TESK2: variants seen among roughly 807,000 people sequenced by gnomAD.
The protein encoded by TESK2 is testis associated actin remodelling kinase 2, also known as dual specificity testis-specific protein kinase 2.
TESK2 carries 39 observed loss-of-function variants against 57.1 expected under a neutral mutation model. The observed-to-expected ratio is 0.68, with a 90% CI of 0.53 to 0.89. The LOEUF (loss-of-function observed/expected upper bound fraction) is 0.89. Ranked by LOEUF, TESK2 falls within the 40% of genes least tolerant of loss-of-function variation. TESK2 has a pLI of 0.00. For missense variants in TESK2, 646 were observed against 732.1 expected (o/e 0.88, Z 1.36); for synonymous variants, 249 against 267.9 (o/e 0.93, Z 0.69).
chr1:45,446,463 C>G (rs1651652247), intron 2 of TESK2, among the ~76,000 whole-genome samples: 1 of 150,950 alleles, frequency 6.6e-6, no homozygotes, highest in South Asian at 2.1e-4. Context: ...CCTGTCGTCT[C>G]TAAAAAAATT....
intron 2 of TESK2, among the ~76,000 whole-genome samples, chr1:45,438,110 C>T (rs1363359986): frequency 6.6e-6 from 1 of 152,212 alleles, no homozygotes; most frequent in African/African-American, 2.4e-5. Flanking sequence ...ATCATCCTTA[C>T]TGCCCAGTTC....
intron 4 of TESK2, among the ~76,000 whole-genome samples, chr1:45,384,647 T>A (rs12739418): frequency 7.2e-6 from 1 of 139,480 alleles, no homozygotes; most frequent in Non-Finnish European, 1.5e-5. Context: ...AGCCTTGCTA[T>A]GTTGCCCAGG....
At chr1:45,371,232 G>C (rs1292706596) in intron 4 of TESK2, among the ~76,000 whole-genome samples, 1 of 152,124 alleles carries the variant, frequency 6.6e-6, no homozygotes, top group Non-Finnish European at 1.5e-5. Context: ...CTACTATATG[G>C]TCCAGCAATC....
Position 45,487,408 on chromosome 1 carries a change from A to G in TESK2, c.-87+3444T>C, listed in dbSNP as rs374641727. On this transcript the variant is annotated intron_variant, in intron 1 of 10. Transcript: ENST00000372086. ...TAGGACTTACTATCTCCTCTGCTCA[A>G]TCTCCTGCTATCATGCTGGACAACT... Among the ~76,000 whole-genome samples the G allele has an allele frequency of 4.1e-4, 62 of 152,274 alleles. No individual in the cohort carries two copies. The East Asian group carries it at 0.01, about 25-fold the overall frequency.
rs150675206 is a variant in TESK2 at position 45,402,945 on chromosome 1, C to T, written c.345-16985G>A. Among the ~76,000 whole-genome samples, 464 of 151,778 alleles carry T rather than the reference C, an allele frequency of 3.1e-3. 1 individual carries two copies. The highest frequency in any genetic ancestry group is 4.8e-3 in the Non-Finnish European group (327 of 67,960). ...TTTACTCCCAAATAATACAAAGATA[C>T]CATCATTTCTTGGACTTGGGCTAGA... On this transcript the variant is annotated intron_variant, in intron 3 of 10. Transcript: ENST00000372086.
Position 45,457,664 on chromosome 1 carries a change from G to A in TESK2, c.122C>T (p.Ser41Phe). 1 of 1,614,092 alleles carries A rather than the reference G, an allele frequency of 6.2e-7. No homozygotes were observed. Among genetic ancestry groups the A allele is most frequent in the Non-Finnish European group, 8.5e-7 (1 of 1,180,014 alleles). Residue 41 changes from serine to phenylalanine, a missense_variant, in exon 2 of 11, where the codon TCT becomes TTT. Coordinates refer to ENST00000372086, the MANE Select transcript of TESK2 (RefSeq NM_007170.3). ...NVSQVGRVWP[S>F]SYRALISAFS... ...GGCACTTATAAGAGCTCGATACGAAGATGGCCAAACTCTTCCCACCTGGCT... is the reference window on the plus strand; with the variant it reads ...GGCACTTATAAGAGCTCGATACGAAAATGGCCAAACTCTTCCCACCTGGCT...
intron 3 of TESK2, among the ~76,000 whole-genome samples, chr1:45,397,693 G>T (rs1649423472): frequency 6.6e-6 from 1 of 152,170 alleles, no homozygotes; most frequent in Non-Finnish European, 1.5e-5. Context: ...CTATGTTGCA[G>T]TTATACAACC....
intron 1 of TESK2, among the ~76,000 whole-genome samples, chr1:45,458,674 T>C (rs902571704): frequency 6.6e-6 from 1 of 151,868 alleles, no homozygotes; most frequent in African/African-American, 2.4e-5. Context: ...ATTTCAAAAA[T>C]TAATTCCAAA....
In TESK2 at chr1:45,459,704, A is replaced by C. The variant is rs1432234871; in HGVS notation, c.-86-1833T>G. Among the ~76,000 whole-genome samples, 6 of 152,170 alleles carry C rather than the reference A, an allele frequency of 3.9e-5. No homozygotes were observed. In the East Asian group the frequency reaches 9.6e-4, roughly 24 times the overall value. ...GAAAAAATGTAAAAACTAGCCAGGC[A>C]TGATGGTACACGCCTGTAGTCCCAG... On this transcript the variant is annotated intron_variant, in intron 1 of 10. Transcript: ENST00000372086.
intron 1 of TESK2, among the ~76,000 whole-genome samples, chr1:45,473,797 AT>A (rs35373358): frequency 0.22 from 31,894 of 143,434 alleles, 3,464 homozygotes; most frequent in Non-Finnish European, 0.28. Flanking sequence ...ACAATTAGGG[AT>A]TTTTTTTTTT....
chr1:45,403,635 C>T (rs1649721932), intron 3 of TESK2, among the ~76,000 whole-genome samples: 1 of 152,028 alleles, frequency 6.6e-6, no homozygotes, highest in Admixed American at 6.6e-5. Context: ...TAACAAGAGG[C>T]CCAATCAAGT....
At chr1:45,468,187 A>C (rs1033354348) in intron 1 of TESK2, among the ~76,000 whole-genome samples, 26 of 152,182 alleles carry the variant, frequency 1.7e-4, no homozygotes, top group Admixed American at 5.2e-4. Flanking sequence ...AAAAAAAAAA[A>C]AAAATTAGAG....
intron 4 of TESK2, among the ~76,000 whole-genome samples, chr1:45,373,040 A>AG (rs1334294674): frequency 1.3e-5 from 2 of 151,658 alleles, no homozygotes; most frequent in Non-Finnish European, 2.9e-5. Flanking sequence ...AAAAAAAAAA[A>AG]AAAAAAAGAA....
intron 3 of TESK2, among the ~76,000 whole-genome samples, chr1:45,396,139 T>G (rs1188165956): frequency 2.0e-5 from 3 of 152,062 alleles, no homozygotes; most frequent in African/African-American, 7.2e-5. Flanking sequence ...TGAGACTGGG[T>G]CTTGCTCTGT....
rs1055628683 is a variant in TESK2, at chr1:45,476,748, G to A, written c.-87+14104C>T. ...TGTAGTCCCAGCTACTTGGGAAGCCGAGGCAGGAGAATTGCTTGAACATGG... is the reference window on the plus strand; with the variant it reads ...TGTAGTCCCAGCTACTTGGGAAGCCAAGGCAGGAGAATTGCTTGAACATGG... On this transcript the variant is annotated intron_variant, in intron 1 of 10. Transcript: ENST00000372086. Among the ~76,000 whole-genome samples, 10 of 152,038 alleles carry A rather than the reference G, an allele frequency of 6.6e-5. No homozygotes were observed. The East Asian group carries it at 1.5e-3, about 24-fold the overall frequency.
intron 3 of TESK2, among the ~76,000 whole-genome samples, chr1:45,392,130 G>A (rs1649172194): frequency 6.6e-6 from 1 of 152,168 alleles, no homozygotes; most frequent in South Asian, 2.1e-4. Context: ...CTGTCACCCA[G>A]GCTGAAGTGC....
intron 4 of TESK2, among the ~76,000 whole-genome samples, chr1:45,369,317 T>C (rs1167691616): frequency 6.6e-6 from 1 of 151,686 alleles, no homozygotes; most frequent in Non-Finnish European, 1.5e-5. Flanking sequence ...TGGCCAACAT[T>C]GTGAAACCCC....
At chr1:45,451,541 G>T (rs1426934095) in intron 2 of TESK2, among the ~76,000 whole-genome samples, 1 of 152,154 alleles carries the variant, frequency 6.6e-6, no homozygotes, top group Non-Finnish European at 1.5e-5. Context: ...TGGTACCCGG[G>T]GTGGTGAAGG....
chr1:45,409,248 A>G (rs1649951410), intron 3 of TESK2, among the ~76,000 whole-genome samples: 1 of 152,244 alleles, frequency 6.6e-6, no homozygotes, highest in Admixed American at 6.5e-5. Flanking sequence ...CTTGTAACAA[A>G]TATCGATGTC....
Sources: gnomAD v4.1 joint callset for allele counts (sites outside exome capture counted in the v4.1 genomes callset) on GRCh38, gnomAD v4.1.1 for gene constraint, MANE v1.5 for transcripts, NCBI Gene and HGNC (gene_info 2026-07-23, HGNC 2026-07-21) for gene names.